Variants in MACROD2 observed in about 807,000 individuals in gnomAD.
MACROD2 encodes ADP-ribose glycohydrolase MACROD2.
MACROD2 carries 36 observed loss-of-function variants against 70.4 expected under a neutral mutation model. The ratio of observed to expected loss-of-function variants is 0.51; its 90% CI spans 0.39 to 0.68. MACROD2 has a LOEUF of 0.68. Among genes scored for constraint, MACROD2 ranks in the 30% least tolerant of loss-of-function variants. The probability of loss-of-function intolerance (pLI) is 0.00; values close to 1 mark genes in which losing one functional copy is unlikely to be tolerated. For missense variants in MACROD2, 496 were observed against 538.4 expected, an observed-to-expected ratio of 0.92 and a Z score of 0.78; for synonymous variants, 172 against 178.8, an observed-to-expected ratio of 0.96 and a Z score of 0.30.
chr20:15,692,172 G>A (rs1266296183), intron 8 of MACROD2, among the ~76,000 whole-genome samples: 1 of 152,094 alleles, frequency 6.6e-6, no homozygotes, highest in Non-Finnish European at 1.5e-5. Flanking sequence ...CTTAGGTAAT[G>A]TCAGGGCCTG....
intron 5 of MACROD2, among the ~76,000 whole-genome samples, chr20:14,785,311 C>A (rs909226131): frequency 6.6e-6 from 1 of 151,984 alleles, no homozygotes; most frequent in Admixed American, 6.6e-5. Flanking sequence ...TGGAAGTATC[C>A]ACCATTTCCT....
At chr20:15,050,641 A>G (rs1226776931) in intron 5 of MACROD2, among the ~76,000 whole-genome samples, 1 of 139,942 alleles carries the variant, frequency 7.1e-6, no homozygotes, top group Admixed American at 7.9e-5. Context: ...TCCTGGGTTC[A>G]CGCTAGGTTT....
At chr20:14,312,755 C>T (rs1356526363) in intron 3 of MACROD2, among the ~76,000 whole-genome samples, 1 of 152,134 alleles carries the variant, frequency 6.6e-6, no homozygotes, top group East Asian at 1.9e-4. Flanking sequence ...TTTACCAATT[C>T]TATAAAGTGG....
At chr20:14,344,003 A>C (rs2083040505) in intron 3 of MACROD2, among the ~76,000 whole-genome samples, 1 of 152,192 alleles carries the variant, frequency 6.6e-6, no homozygotes, top group African/African-American at 2.4e-5. Flanking sequence ...AGATTTTCTG[A>C]AATTGTCAGA....
At chr20:14,569,110 T>A (rs1980013836) in intron 4 of MACROD2, among the ~76,000 whole-genome samples, 1 of 152,044 alleles carries the variant, frequency 6.6e-6, no homozygotes, top group Non-Finnish European at 1.5e-5. Flanking sequence ...CAACCGGCAA[T>A]CTTTTTCTGT....
intron 6 of MACROD2, among the ~76,000 whole-genome samples, chr20:15,307,996 A>T (rs2077714526): frequency 6.6e-6 from 1 of 152,086 alleles, no homozygotes; most frequent in Non-Finnish European, 1.5e-5. Context: ...TTTTTCAGGG[A>T]ATATCACAGA....
intron 8 of MACROD2, among the ~76,000 whole-genome samples, chr20:15,759,045 G>A (rs2051393287): frequency 6.7e-6 from 1 of 149,912 alleles, no homozygotes; most frequent in East Asian, 2.0e-4. Context: ...CTACTCAGGA[G>A]ACTGAGGCAA....
chr20:14,236,474 TA>T (rs937584796), intron 3 of MACROD2, among the ~76,000 whole-genome samples: 40 of 150,924 alleles, frequency 2.7e-4, no homozygotes, highest in African/African-American at 9.2e-4. Flanking sequence ...CTTGCTTACT[TA>T]AAAAAAAAGC....
At chr20:15,149,892 G>A (rs1419037796) in intron 5 of MACROD2, among the ~76,000 whole-genome samples, 1 of 152,010 alleles carries the variant, frequency 6.6e-6, no homozygotes, top group Non-Finnish European at 1.5e-5. Context: ...CTGTCTTCAA[G>A]GAATGGAAAG....
chr20:15,586,675 A>G (rs929542146), intron 8 of MACROD2, among the ~76,000 whole-genome samples: 1 of 152,216 alleles, frequency 6.6e-6, no homozygotes, highest in Non-Finnish European at 1.5e-5. Context: ...TATGAATAAT[A>G]TAGAGAAAGA....
At chr20:14,705,247 C>G (rs1048005898) in intron 5 of MACROD2, among the ~76,000 whole-genome samples, 1 of 152,100 alleles carries the variant, frequency 6.6e-6, no homozygotes, top group Non-Finnish European at 1.5e-5. Context: ...TCTCTCCGTT[C>G]GTCTCACCTA....
chr20:14,986,026 A>T (rs2074845857), intron 5 of MACROD2, among the ~76,000 whole-genome samples: 1 of 152,120 alleles, frequency 6.6e-6, no homozygotes, highest in Admixed American at 6.6e-5. Flanking sequence ...TAGTCTGAAG[A>T]TTGAAAATAA....
In MACROD2 at chr20:14,259,132, G is replaced by A. The variant is rs565571257; in HGVS notation, c.271+173404G>A. ...TAATTTTTGTATTTTTAGTAGAGACGGTGTTTCACCATGTTGGCCAGGCTG... is the reference window on the plus strand; with the variant it reads ...TAATTTTTGTATTTTTAGTAGAGACAGTGTTTCACCATGTTGGCCAGGCTG... On this transcript the variant is annotated intron_variant, in intron 3 of 17. Transcript: ENST00000684519. Among the ~76,000 whole-genome samples, 128 of 152,090 alleles carry A rather than the reference G, an allele frequency of 8.4e-4. 2 individuals carry two copies. In the South Asian group the frequency reaches 0.019, roughly 22 times the overall value.
At chr20:14,729,069 T>C (rs1199100884) in intron 5 of MACROD2, among the ~76,000 whole-genome samples, 1 of 152,160 alleles carries the variant, frequency 6.6e-6, no homozygotes, top group Non-Finnish European at 1.5e-5. Flanking sequence ...GAGAGCAGTA[T>C]TTTAATTGTT....
At chr20:14,709,482 C>T (rs1568751648) in intron 5 of MACROD2, among the ~76,000 whole-genome samples, 2 of 152,052 alleles carry the variant, frequency 1.3e-5, no homozygotes, top group African/African-American at 4.8e-5. Flanking sequence ...ACCACTGTAT[C>T]CAGTATATAT....
At chr20:15,945,505 G>A (rs2065809980) in intron 12 of MACROD2, among the ~76,000 whole-genome samples, 1 of 152,182 alleles carries the variant, frequency 6.6e-6, no homozygotes, top group Non-Finnish European at 1.5e-5. Context: ...CTTATATGCT[G>A]ATGCTTTTAT....
chr20:14,499,495 T>C (rs2084892809), intron 4 of MACROD2, among the ~76,000 whole-genome samples: 1 of 151,950 alleles, frequency 6.6e-6, no homozygotes, highest in Admixed American at 6.6e-5. Context: ...ATCACACCAC[T>C]GCACTCCAGC....
intron 3 of MACROD2, among the ~76,000 whole-genome samples, chr20:14,426,303 A>G (rs573223666): frequency 1.3e-5 from 2 of 151,242 alleles, no homozygotes; most frequent in Non-Finnish European, 3.0e-5. Flanking sequence ...TGTTTCCAAG[A>G]CTTATTTTTT....
intron 15 of MACROD2, among the ~76,000 whole-genome samples, chr20:15,988,814 AT>A: frequency 6.6e-6 from 1 of 152,238 alleles, no homozygotes; most frequent in African/African-American, 2.4e-5. Flanking sequence ...TATCATAGAT[AT>A]TTCACTTGGT....
Sources: gnomAD v4.1 joint callset for allele counts (sites outside exome capture counted in the v4.1 genomes callset) on GRCh38, gnomAD v4.1.1 for gene constraint, MANE v1.5 for transcripts, NCBI Gene and HGNC (gene_info 2026-07-23, HGNC 2026-07-21) for gene names.